The following SPMIP7 variants were observed in gnomAD, a reference collection of about 807,000 sequenced individuals.
The protein encoded by SPMIP7 is sperm microtubule inner protein 7.
At chr7:50,115,951 C>T in the SPMIP7 span, among the ~76,000 whole-genome samples, 1 of 152,106 alleles carries the variant, frequency 6.6e-6, no homozygotes, top group Non-Finnish European at 1.5e-5. Context: ...CTCTTTTCTC[C>T]TCCTCCTTTC....
the SPMIP7 span, among the ~76,000 whole-genome samples, chr7:50,138,032 TTTG>T: frequency 6.6e-6 from 1 of 152,196 alleles, no homozygotes; most frequent in African/African-American, 2.4e-5. Flanking sequence ...TTCTTCAGGT[TTTG>T]TTGTTTTTGT....
chr7:50,107,181 C>A, the SPMIP7 span, among the ~76,000 whole-genome samples: 2 of 151,652 alleles, frequency 1.3e-5, no homozygotes, highest in Admixed American at 6.6e-5. Context: ...CATGGCAAAA[C>A]CCCATTTCTA....
At chr7:50,107,362 C>CAAAA in the SPMIP7 span, among the ~76,000 whole-genome samples, 12 of 16,646 alleles carry the variant, frequency 7.2e-4, no homozygotes, top group African/African-American at 1.2e-3. Flanking sequence ...GACTCTGTCT[C>CAAAA]AAAAAAAAAA....
the SPMIP7 span, among the ~76,000 whole-genome samples, chr7:50,129,193 A>G: frequency 6.6e-6 from 1 of 151,968 alleles, no homozygotes; most frequent in Non-Finnish European, 1.5e-5. Context: ...GGAACCAAGT[A>G]CCTAGGGGAG....
At chr7:50,141,263 TC>T in the SPMIP7 span, 29 of 1,467,792 alleles carry the variant, frequency 2.0e-5, no homozygotes, top group East Asian at 1.2e-4. Context: ...ATGCCTTCTT[TC>T]CTTTCCATTC....
chr7:50,128,315 G>C, the SPMIP7 span, among the ~76,000 whole-genome samples: 3 of 152,086 alleles, frequency 2.0e-5, no homozygotes, highest in South Asian at 6.2e-4. Context: ...GCCAAGAAAG[G>C]GAGTGTGGAG....
At chr7:50,145,027 C>T in the SPMIP7 span, among the ~76,000 whole-genome samples, 11 of 151,722 alleles carry the variant, frequency 7.3e-5, no homozygotes, top group African/African-American at 2.7e-4. Context: ...TTTGGGAAGC[C>T]GAGGCGGGTG....
the SPMIP7 span, among the ~76,000 whole-genome samples, chr7:50,157,900 T>TTA: frequency 0.032 from 4,912 of 151,954 alleles, 220 homozygotes; most frequent in South Asian, 0.13. Context: ...AAAGCTTTTT[T>TTA]AAAAAAAATT....
the SPMIP7 span, among the ~76,000 whole-genome samples, chr7:50,102,547 G>A: frequency 1.3e-5 from 2 of 152,038 alleles, no homozygotes; most frequent in South Asian, 4.2e-4. Flanking sequence ...CAACAATAGT[G>A]CACTGAGGTC....
chr7:50,149,280 TC>T, the SPMIP7 span, among the ~76,000 whole-genome samples: 42,330 of 152,126 alleles, frequency 0.28, 7,268 homozygotes, highest in Non-Finnish European at 0.4. Context: ...AACTTTGCAA[TC>T]CCCATGTGCA....
chr7:50,114,129 C>T, the SPMIP7 span, among the ~76,000 whole-genome samples: 2 of 151,974 alleles, frequency 1.3e-5, no homozygotes, highest in African/African-American at 2.4e-5. Flanking sequence ...TGAAAGAATG[C>T]ACTGCCAGTA....
chr7:50,152,954 T>C, the SPMIP7 span, among the ~76,000 whole-genome samples: 1 of 152,176 alleles, frequency 6.6e-6, no homozygotes, highest in African/African-American at 2.4e-5. Context: ...CCCAAACTGC[T>C]GGGATTACAG....
At chr7:50,159,225 CG>C in the SPMIP7 span, 1 of 1,530,812 alleles carries the variant, frequency 6.5e-7, no homozygotes. Flanking sequence ...GCTTGTGCGG[CG>C]GTGGGAAATA....
chr7:50,153,434 T>C, the SPMIP7 span, among the ~76,000 whole-genome samples: 1 of 152,220 alleles, frequency 6.6e-6, no homozygotes, highest in Non-Finnish European at 1.5e-5. Flanking sequence ...CACATGATCT[T>C]TTACTAAGTC....
At chr7:50,102,192 C>T in the SPMIP7 span, among the ~76,000 whole-genome samples, 1 of 152,092 alleles carries the variant, frequency 6.6e-6, no homozygotes, top group Non-Finnish European at 1.5e-5. Context: ...GTTGTGCTGG[C>T]GCGTGCCCGT....
At chr7:50,117,422 G>A in the SPMIP7 span, 5 of 242,682 alleles carry the variant, frequency 2.1e-5, no homozygotes, top group Admixed American at 9.2e-5. Context: ...CTTGCACACT[G>A]CAAAAAAAAA....
the SPMIP7 span, among the ~76,000 whole-genome samples, chr7:50,113,510 C>T: frequency 6.8e-4 from 103 of 152,182 alleles, no homozygotes; most frequent in African/African-American, 2.5e-3. Context: ...AAGATACAAA[C>T]GGACTTCTAG....
chr7:50,157,148 G>C, the SPMIP7 span, among the ~76,000 whole-genome samples: 8 of 152,188 alleles, frequency 5.3e-5, no homozygotes. Context: ...TGGTTTGGAG[G>C]TTTTAAGTTG....
chr7:50,117,493 T>C, the SPMIP7 span: 1 of 244,600 alleles, frequency 4.1e-6, no homozygotes, highest in African/African-American at 2.2e-5. Context: ...CTTCTGGAAT[T>C]CTTCTCTTGT....
Sources: allele counts gnomAD v4.1 joint callset (sites outside exome capture counted in the v4.1 genomes callset), GRCh38; gene constraint gnomAD v4.1.1; transcripts MANE v1.5; gene names NCBI Gene and HGNC (gene_info 2026-07-23, HGNC 2026-07-21).